The following CAMTA1 variants were observed in gnomAD, a reference collection of about 807,000 sequenced individuals.
CAMTA1 encodes the protein calmodulin binding transcription activator 1.
In CAMTA1, 27 loss-of-function variants were observed where a neutral mutation model predicts 170.9. The observed-to-expected ratio is 0.16, with a 90% CI of 0.12 to 0.22. The LOEUF (loss-of-function observed/expected upper bound fraction) is 0.22. Ranked by LOEUF, CAMTA1 falls within the 10% of genes least tolerant of loss-of-function variation. The pLI is 1.00. For missense variants in CAMTA1, 1,619 were observed against 2,217.2 expected (o/e 0.73, Z 5.42); for synonymous variants, 833 against 891.5 (o/e 0.93, Z 1.17).
intron 6 of CAMTA1, 75 bp downstream of exon 6, chr1:7,467,976 G>A (rs989298871): frequency 2.0e-5 from 25 of 1,250,624 alleles, no homozygotes; most frequent in Admixed American, 3.6e-5. Flanking sequence ...TGAGGGCGCG[G>A]GGCTCCGCAT....
At chr1:7,709,418 T>C (rs3124806) in intron 11 of CAMTA1, among the ~76,000 whole-genome samples, 140,817 of 152,296 alleles carry the variant, frequency 0.92, 65,206 homozygotes, top group East Asian at 1. Flanking sequence ...TTCAGTCTTG[T>C]TTGTTGGTCA....
At chr1:7,569,246 A>G (rs1051229448) in intron 6 of CAMTA1, among the ~76,000 whole-genome samples, 12 of 147,974 alleles carry the variant, frequency 8.1e-5, no homozygotes, top group Non-Finnish European at 1.5e-4. Context: ...CATCATCATC[A>G]TCATCACCAA....
intron 3 of CAMTA1, among the ~76,000 whole-genome samples, chr1:6,893,930 G>A (rs1675106831): frequency 6.6e-6 from 1 of 152,216 alleles, no homozygotes; most frequent in Admixed American, 6.5e-5. Context: ...CCAATGATTA[G>A]TGTCTTTCAG....
At chr1:7,579,285 A>T (rs1411666692) in intron 6 of CAMTA1, among the ~76,000 whole-genome samples, 1 of 152,224 alleles carries the variant, frequency 6.6e-6, no homozygotes, top group African/African-American at 2.4e-5. Flanking sequence ...GGCCTGGAGA[A>T]GTCTTGCCAG....
chr1:7,665,054 C>T lies in CAMTA1; in HGVS notation c.2507C>T (p.Ser836Leu), dbSNP rs145537629. 1.9e-5 allele frequency: 30 copies of T among 1,575,522 alleles called. No individual in the cohort carries two copies. The highest frequency in any genetic ancestry group is 3.4e-4 in the Middle Eastern group (2 of 5,882). Residue 836 changes from serine (S) to leucine (L), a missense_variant, in exon 9 of 23, where the codon TCG becomes TTG. Ser to Leu is a moderately radical substitution (Grantham distance 145, BLOSUM62 -2). This residue lies in a region of CAMTA1 where 731 missense variants were observed against 907.6 expected (regional missense o/e 0.81). Transcript: ENST00000303635. The surrounding 1 kb of genome is among the most constrained non-coding windows in gnomAD (Gnocchi z 4.3). The stretch of plus-strand genomic sequence containing the variant: ...CAGGGTAGCCTGCAGCTGAGCAGCT[C>T]GGAGGGCGGGGCCAGCACCATGGCC... ...PQQGSLQLSSSEGGASTMAYM... is the reference protein window; with the variant it reads ...PQQGSLQLSSLEGGASTMAYM...
chr1:7,033,809 G>T (rs929035482), intron 3 of CAMTA1, among the ~76,000 whole-genome samples: 1 of 151,942 alleles, frequency 6.6e-6, no homozygotes, highest in Admixed American at 6.6e-5. Context: ...GGCCAGGCTG[G>T]TCTCAAACGC....
intron 6 of CAMTA1, among the ~76,000 whole-genome samples, chr1:7,542,930 T>C (rs1296988905): frequency 6.6e-6 from 1 of 150,562 alleles, no homozygotes; most frequent in Non-Finnish European, 1.5e-5. Context: ...AGTGGCGCGA[T>C]CTCGGCTCAC....
chr1:6,926,321 C>G (rs1342310236), intron 3 of CAMTA1, among the ~76,000 whole-genome samples: 1 of 148,850 alleles, frequency 6.7e-6, no homozygotes, highest in Admixed American at 6.7e-5. Context: ...TCCTCCCCTC[C>G]CCTCCCCTCT....
At chr1:7,266,404 A>G (rs1668938168) in intron 5 of CAMTA1, among the ~76,000 whole-genome samples, 2 of 152,234 alleles carry the variant, frequency 1.3e-5, no homozygotes, top group African/African-American at 2.4e-5. Flanking sequence ...CTTGGGAGTT[A>G]GAGACAAAGG....
chr1:7,501,617 A>AGTTT (rs2094006814), intron 6 of CAMTA1, among the ~76,000 whole-genome samples: 1 of 86,836 alleles, frequency 1.2e-5, no homozygotes, highest in Non-Finnish European at 3.1e-5. Context: ...GATAAACAAC[A>AGTTT]GTTTTTTTTT....
intron 4 of CAMTA1, among the ~76,000 whole-genome samples, chr1:7,133,581 A>G (rs1645383255): frequency 6.6e-6 from 1 of 152,172 alleles, no homozygotes; most frequent in Non-Finnish European, 1.5e-5. Context: ...TCAATATGTG[A>G]AAAGTCTTGT....
chr1:7,381,303 CCT>C (rs1391440182), intron 5 of CAMTA1, among the ~76,000 whole-genome samples: 5 of 144,718 alleles, frequency 3.5e-5, no homozygotes, highest in African/African-American at 1.3e-4. Context: ...ATCCCTCCCC[CCT>C]CCCCCAACCC....
chr1:7,701,581 A>G (rs2096440644), intron 11 of CAMTA1, among the ~76,000 whole-genome samples: 1 of 151,664 alleles, frequency 6.6e-6, no homozygotes, highest in African/African-American at 2.4e-5. Context: ...ACACCCCGCT[A>G]ATTTTTTTTA....
intron 4 of CAMTA1, among the ~76,000 whole-genome samples, chr1:7,231,346 T>A (rs1289965451): frequency 2.6e-5 from 3 of 114,154 alleles, no homozygotes; most frequent in African/African-American, 1.0e-4. Context: ...TGTGTGTGTG[T>A]GTGTGAGAGA....
At chr1:7,335,956 G>A (rs2083357863) in intron 5 of CAMTA1, among the ~76,000 whole-genome samples, 1 of 152,176 alleles carries the variant, frequency 6.6e-6, no homozygotes, top group Non-Finnish European at 1.5e-5. Context: ...TAATTAAAAT[G>A]TAACCACCGG....
chr1:7,598,427 T>A (rs2095416905), intron 6 of CAMTA1, among the ~76,000 whole-genome samples: 1 of 152,246 alleles, frequency 6.6e-6, no homozygotes, highest in African/African-American at 2.4e-5. Flanking sequence ...GCAGTATGTT[T>A]TATAATCCTT....
intron 3 of CAMTA1, among the ~76,000 whole-genome samples, chr1:6,900,112 C>T (rs1327011038): frequency 6.6e-6 from 1 of 152,208 alleles, no homozygotes. Context: ...ATCACTTTAC[C>T]AGAAGCTTAC....
At chr1:7,029,856 T>C (rs1702557809) in intron 3 of CAMTA1, among the ~76,000 whole-genome samples, 1 of 152,214 alleles carries the variant, frequency 6.6e-6, no homozygotes. Context: ...ACATATTGTT[T>C]AATGAAAAAT....
chr1:7,740,995 A>G (rs2096808320), intron 16 of CAMTA1, among the ~76,000 whole-genome samples: 1 of 152,262 alleles, frequency 6.6e-6, no homozygotes, highest in Non-Finnish European at 1.5e-5. Context: ...AACCGTTCAT[A>G]GAGGAGTGAA....
Sources: allele counts gnomAD v4.1 joint callset (sites outside exome capture counted in the v4.1 genomes callset), GRCh38; gene constraint gnomAD v4.1.1; regional missense constraint gnomAD v4.1.1; non-coding constraint Gnocchi (gnomAD v3.1); transcripts MANE v1.5; gene names NCBI Gene and HGNC (gene_info 2026-07-23, HGNC 2026-07-21).